NUP210: variants seen among roughly 807,000 people sequenced by gnomAD.
The protein encoded by NUP210 is nucleoporin 210, also known as nuclear pore membrane glycoprotein 210.
NUP210 carries 151 observed loss-of-function variants against 196.0 expected under a neutral mutation model. That is an observed-to-expected ratio of 0.77 (90% CI 0.67 to 0.88). NUP210 has a LOEUF of 0.88. Among genes scored for constraint, NUP210 ranks in the 40% least tolerant of loss-of-function variants. NUP210 has a pLI of 0.00. For missense variants in NUP210, 2,314 were observed against 2,493.7 expected (o/e 0.93, Z 1.53); for synonymous variants, 1,070 against 1,052.7 (o/e 1.02, Z -0.32).
chr3:13,323,854 C>T lies in NUP210; in HGVS notation c.4645-422G>A, dbSNP rs1335040506. Among the ~76,000 whole-genome samples, 2 of 152,162 alleles carry T rather than the reference C, an allele frequency of 1.3e-5. No individual in the cohort carries two copies. Among genetic ancestry groups the T allele is most frequent in the African/African-American group, 4.8e-5 (2 of 41,438 alleles). On this transcript the variant is annotated intron_variant, in intron 33 of 39. Coordinates refer to ENST00000254508, the MANE Select transcript of NUP210 (RefSeq NM_024923.4). This position sits in a 1 kb window ranked among gnomAD's most constrained non-coding sequence, Gnocchi z 4.3. ...CATCCTGTACCTGGCCACACCCAAA[C>T]AGCCCCAGGCTGGAGACCTCCCTGC...
chr3:13,383,086 G>A (rs760472654), intron 6 of NUP210, among the ~76,000 whole-genome samples: 1 of 152,138 alleles, frequency 6.6e-6, no homozygotes, highest in African/African-American at 2.4e-5. Flanking sequence ...CAAAGCTGCT[G>A]TGAGCCATGA....
At chr3:13,327,502 G>A (rs1390401237) in intron 31 of NUP210, 65 bp from the exon 32 acceptor site, 5 of 1,203,940 alleles carry the variant, frequency 4.2e-6, no homozygotes, top group Middle Eastern at 2.7e-4. Context: ...CCCAAAGGGA[G>A]AAACGTAATC....
At chr3:13,327,114 G>A (rs778781855) in intron 32 of NUP210, 103 bp downstream of exon 32, 8 of 833,100 alleles carry the variant, frequency 9.6e-6, no homozygotes, top group Non-Finnish European at 1.5e-5. Flanking sequence ...AGGTCTGCCT[G>A]TAGGCCCCCG....
rs1697925629 is a variant in NUP210 at position 13,350,399 on chromosome 3, A to T, written c.2835+1480T>A. On this transcript the variant is annotated intron_variant, in intron 20 of 39. Coordinates refer to ENST00000254508, the MANE Select transcript of NUP210 (RefSeq NM_024923.4). The surrounding 1 kb of genome is among the most constrained non-coding windows in gnomAD (Gnocchi z 4.1). The stretch of plus-strand genomic sequence containing the variant: ...GTACCCAGAGTTTCTACAATACATT[A>T]CCTAAAATGTCCAGTTTCCAACAAT... Among the ~76,000 whole-genome samples, 2 of 152,156 alleles carry T rather than the reference A, an allele frequency of 1.3e-5. No homozygotes were observed. The highest frequency in any genetic ancestry group is 1.3e-4 in the Admixed American group (2 of 15,270).
intron 14 of NUP210, among the ~76,000 whole-genome samples, chr3:13,362,027 C>T (rs1698388064): frequency 6.6e-6 from 1 of 152,216 alleles, no homozygotes; most frequent in Non-Finnish European, 1.5e-5. Context: ...GGCGACTCTT[C>T]TCTGGCCCCC....
rs78198050 is a variant in NUP210, at chr3:13,385,348, C to T, written c.817+927G>A. Among the ~76,000 whole-genome samples, 311 of 152,346 alleles carry T rather than the reference C, an allele frequency of 2.0e-3. 9 individuals carry two copies. In the East Asian group the frequency reaches 0.056, roughly 27 times the overall value. On this transcript the variant is annotated intron_variant, in intron 6 of 39. Transcript: ENST00000254508. ...ACTGAGGCCCTCGGATGGACTGGAC[C>T]TGAGAGCTCTTATGCCCATGACCCT...
chr3:13,420,277 C>T lies in NUP210; in HGVS notation c.-51G>A. ...CCCTGCGCCCGGCCGCCCGCGCCGC[C>T]CCGTTGCCCTCCGCTCCCGCCCGCG... On this transcript the variant is annotated 5_prime_UTR_variant, in exon 1 of 40. Coordinates refer to ENST00000254508, the MANE Select transcript of NUP210 (RefSeq NM_024923.4). This position sits in a 1 kb window ranked among gnomAD's most constrained non-coding sequence, Gnocchi z 4.8. 2 of 1,032,668 alleles carry T rather than the reference C, an allele frequency of 1.9e-6. No homozygotes were observed. The highest frequency in any genetic ancestry group is 2.3e-6 in the Non-Finnish European group (2 of 861,072). The allele number at this position is 1,032,668 out of a possible 1,614,324, so 64.0% of individuals were successfully genotyped here. A position where few individuals can be genotyped will look rare whatever the true frequency, so the allele number is the denominator to read the frequency against.
Position 13,328,770 on chromosome 3 carries a change from C to T in NUP210, c.4286+1G>A, listed in dbSNP as rs1237175386. On this transcript the variant is annotated splice_donor_variant, in intron 31 of 39. Transcript: ENST00000254508. LOFTEE classifies it high-confidence loss of function. The stretch of plus-strand genomic sequence containing the variant: ...AGAAATGACCCTTGCCCACATCCTA[C>T]CTGTTAGTGGCAAAGTTGAGGACCG... 2.5e-6 allele frequency: 4 copies of T among 1,613,804 alleles called. No homozygotes were observed. The Admixed American group carries it at 5.0e-5, about 20-fold the overall frequency.
chr3:13,354,269 C>T, intron 16 of NUP210, 162 bp from the exon 17 acceptor site: 1 of 638,134 alleles, frequency 1.6e-6, no homozygotes, highest in South Asian at 1.9e-5. Flanking sequence ...TGCCACCCAC[C>T]AGGTCCCCCC....
chr3:13,414,267 G>A (rs1700272144), intron 1 of NUP210, among the ~76,000 whole-genome samples: 3 of 152,382 alleles, frequency 2.0e-5, no homozygotes, highest in Middle Eastern at 3.4e-3. Context: ...TCTACAGAGC[G>A]GAAGCCACCT....
chr3:13,350,301 T>C lies in NUP210; in HGVS notation c.2835+1578A>G, dbSNP rs1230607234. Among the ~76,000 whole-genome samples, 1 of 151,796 alleles carries C rather than the reference T, an allele frequency of 6.6e-6. No homozygotes were observed. Among genetic ancestry groups the C allele is most frequent in the African/African-American group, 2.4e-5 (1 of 41,276 alleles). On this transcript the variant is annotated intron_variant, in intron 20 of 39. Coordinates refer to ENST00000254508, the MANE Select transcript of NUP210 (RefSeq NM_024923.4). This position sits in a 1 kb window ranked among gnomAD's most constrained non-coding sequence, Gnocchi z 4.1. Reference sequence around the variant, plus strand: ...GTGTGTTTTTGTGTCTTCAGCAAAATAACAAGGCCAGTCACTAAAGAAGTA... The same window carrying C: ...GTGTGTTTTTGTGTCTTCAGCAAAACAACAAGGCCAGTCACTAAAGAAGTA...
At chr3:13,322,106 G>T in intron 35 of NUP210, 87 bp downstream of exon 35, 1 of 1,489,108 alleles carries the variant, frequency 6.7e-7, no homozygotes, top group Non-Finnish European at 9.3e-7. Flanking sequence ...AGACGGCCAT[G>T]GTGAGCTGGG....
In NUP210 at chr3:13,317,625, T is replaced by C; in HGVS notation, c.*56A>G. 1 of 1,280,502 alleles carries C rather than the reference T, an allele frequency of 7.8e-7. No homozygotes were observed. Among genetic ancestry groups the C allele is most frequent in the Non-Finnish European group, 1.1e-6 (1 of 900,814 alleles). 79.3% of individuals were successfully genotyped at this position (1,280,502 alleles called of 1,614,324 possible). On this transcript the variant is annotated 3_prime_UTR_variant, in exon 40 of 40. Transcript: ENST00000254508. ...GTGTGAATGCAGCAGGGATGTTCCA[T>C]CTTGGGGGTGCACGAGGCTCGGCTG...
chr3:13,320,461 G>A (rs1696474376), intron 36 of NUP210, among the ~76,000 whole-genome samples: 2 of 151,688 alleles, frequency 1.3e-5, no homozygotes, highest in African/African-American at 4.8e-5. Flanking sequence ...GTGAGACCCT[G>A]TCTCTATTAA....
Position 13,323,511 on chromosome 3 carries a change from T to A in NUP210, c.4645-79A>T. ...GCTGGGCGTTTCCACAACCTCACCC[T>A]GCAGTCTGTGACATAGTGTCACCCG... is the stretch of plus-strand genomic sequence containing the variant. On this transcript the variant is annotated intron_variant, in intron 33 of 39. Coordinates refer to ENST00000254508, the MANE Select transcript of NUP210 (RefSeq NM_024923.4). This position sits in a 1 kb window ranked among gnomAD's most constrained non-coding sequence, Gnocchi z 4.3. The A allele has an allele frequency of 6.6e-7, 1 of 1,521,614 alleles. No homozygotes were observed. Among genetic ancestry groups the A allele is most frequent in the Admixed American group, 1.8e-5 (1 of 56,384 alleles). 94.3% of individuals were successfully genotyped at this position (1,521,614 alleles called of 1,614,324 possible). A position where few individuals can be genotyped will look rare whatever the true frequency, so the allele number is the denominator to read the frequency against.
At chr3:13,341,376 A>G (rs1313798983) in intron 23 of NUP210, among the ~76,000 whole-genome samples, 2 of 152,194 alleles carry the variant, frequency 1.3e-5, no homozygotes, top group African/African-American at 4.8e-5. Context: ...CTCAGGACCA[A>G]TGGTTAAGGA....
chr3:13,331,982 T>C (rs1484759690), intron 29 of NUP210, among the ~76,000 whole-genome samples: 2 of 152,082 alleles, frequency 1.3e-5, no homozygotes, highest in Non-Finnish European at 2.9e-5. Flanking sequence ...ACACTCTGAG[T>C]GGCAAGTCTT....
At chr3:13,415,013 A>G (rs1700299525) in intron 1 of NUP210, among the ~76,000 whole-genome samples, 1 of 152,150 alleles carries the variant, frequency 6.6e-6, no homozygotes, top group African/African-American at 2.4e-5. Flanking sequence ...TGAGGCGGGT[A>G]GATCACAAGG....
At chr3:13,377,420 C>T (rs372671396) in intron 9 of NUP210, 36 bp downstream of exon 9, 3 of 1,485,516 alleles carry the variant, frequency 2.0e-6, no homozygotes, top group Non-Finnish European at 2.8e-6. Context: ...ACGACCCCAC[C>T]TCATCCCCCC....
Sources: gnomAD v4.1 joint callset for allele counts (sites outside exome capture counted in the v4.1 genomes callset) on GRCh38, gnomAD v4.1.1 for gene constraint, Gnocchi (gnomAD v3.1) non-coding constraint, MANE v1.5 for transcripts, NCBI Gene and HGNC (gene_info 2026-07-23, HGNC 2026-07-21) for gene names.